CLUH: variants seen among roughly 807,000 people sequenced by gnomAD.
The protein encoded by CLUH is clustered mitochondria protein homolog.
In CLUH, 77 loss-of-function variants were observed where a neutral mutation model predicts 139.3. The ratio of observed to expected loss-of-function variants is 0.55; its 90% CI spans 0.46 to 0.67. The LOEUF (loss-of-function observed/expected upper bound fraction) is 0.67, where lower values mean the gene tolerates loss of function less well. Among genes scored for constraint, CLUH ranks in the 30% least tolerant of loss-of-function variants. The pLI is 0.00. For synonymous variants in CLUH, 999 were observed against 801.6 expected, an observed-to-expected ratio of 1.25 and a Z score of -4.16; for missense variants, 1,876 against 1,875.8, an observed-to-expected ratio of 1.00 and a Z score of 0.00.
intron 10 of CLUH, among the ~76,000 whole-genome samples, chr17:2,697,386 T>G (rs1597610402): frequency 4.4e-5 from 6 of 136,706 alleles, no homozygotes; most frequent in East Asian, 2.1e-4. Context: ...GCGACAAGAG[T>G]GAAACTCCGT....
intron 21 of CLUH, 24 bp downstream of exon 21, chr17:2,692,547 C>G: frequency 6.2e-7 from 1 of 1,601,376 alleles, no homozygotes; most frequent in South Asian, 1.1e-5. Flanking sequence ...TGGGTCCCTG[C>G]CGCCCCCCCG....
In CLUH at chr17:2,704,473, A is replaced by C; in HGVS notation, c.192T>G (p.Leu64=). Residue 64 remains leucine (L), a synonymous_variant, in exon 2 of 26, where the codon CTT becomes CTG. Coordinates refer to ENST00000651024, the MANE Select transcript of CLUH (RefSeq NM_001366661.1). The surrounding 1 kb of genome is among the most constrained non-coding windows in gnomAD (Gnocchi z 5.7). ...AAAEPPRENG[L]DEAGPGDETT... ...TCTCATCTCCCGGGCCGGCCTCGTC[A>C]AGCCCATTTTCCCTGGGTGGCTCGG... 1 of 1,598,664 alleles carries C rather than the reference A, an allele frequency of 6.3e-7. No homozygotes were observed. Among genetic ancestry groups the C allele is most frequent in the Non-Finnish European group, 8.5e-7 (1 of 1,173,108 alleles).
rs376055316 is a variant in CLUH at position 2,696,928 on chromosome 17, A to G, written c.1976T>C (p.Met659Thr). 2.5e-6 allele frequency: 4 copies of G among 1,593,018 alleles called. No homozygotes were observed. The highest frequency in any genetic ancestry group is 3.4e-6 in the Non-Finnish European group (4 of 1,170,130). Reference sequence around the variant, plus strand: ...CATCAGCTGCAAGGCGGCCAGCTTCATAAAGAGGAGGTACCTGGAGCAGAG... The same window carrying G: ...CATCAGCTGCAAGGCGGCCAGCTTCGTAAAGAGGAGGTACCTGGAGCAGAG... ...AFVEHRYLLF[M>T]KLAALQLMQQ... The change falls in exon 11 of 26, where the codon ATG becomes ACG. Residue 659 changes from methionine to threonine, a missense_variant. Met to Thr is a moderately conservative substitution (Grantham distance 81, BLOSUM62 -1). Coordinates refer to ENST00000651024, the MANE Select transcript of CLUH (RefSeq NM_001366661.1).
Position 2,704,584 on chromosome 17 carries a change from G to A in CLUH, c.101-20C>T, listed in dbSNP as rs1164900455. 1 of 1,535,046 alleles carries A rather than the reference G, an allele frequency of 6.5e-7. No individual in the cohort carries two copies. Among genetic ancestry groups the A allele is most frequent in the East Asian group, 2.4e-5 (1 of 40,838 alleles). On this transcript the variant is annotated intron_variant, in intron 1 of 25. Coordinates refer to ENST00000651024, the MANE Select transcript of CLUH (RefSeq NM_001366661.1). This position sits in a 1 kb window ranked among gnomAD's most constrained non-coding sequence, Gnocchi z 5.7. ...GCAGCTCTGCGGGTGACAAGAACGGGTCAGAATCAGGCAGCCTCGCTGGTC... is the reference window on the plus strand; with the variant it reads ...GCAGCTCTGCGGGTGACAAGAACGGATCAGAATCAGGCAGCCTCGCTGGTC...
At chr17:2,709,528 C>A (rs2070448725) in intron 1 of CLUH, among the ~76,000 whole-genome samples, 1 of 152,174 alleles carries the variant, frequency 6.6e-6, no homozygotes, top group African/African-American at 2.4e-5. Context: ...CTCCTCCTCC[C>A]CCTCTGGGCC....
chr17:2,692,147 T>A, intron 22 of CLUH, 50 bp from the exon 23 acceptor site: 1 of 1,529,592 alleles, frequency 6.5e-7, no homozygotes, highest in Non-Finnish European at 8.9e-7. Context: ...GTGGGCTGGG[T>A]GTGGGGGCCT....
At position 2,694,562 on chromosome 17, in the gene CLUH, T is replaced by A; in HGVS notation, c.2855A>T (p.Glu952Val). 6.4e-7 allele frequency: 1 copy of A among 1,574,300 alleles called. No individual in the cohort carries two copies. Among genetic ancestry groups the A allele is most frequent in the Non-Finnish European group, 8.6e-7 (1 of 1,160,200 alleles). Residue 952 changes from glutamate to valine, a missense_variant and splice_region_variant, in exon 17 of 26, where the codon GAG becomes GTG. Transcript: ENST00000651024. ...GGTCTCCACAGCCTGGTCCACGGTC[T>A]CACTGAGGAGGGAGCAGGGGGCCTG... is the stretch of plus-strand genomic sequence containing the variant. ...KNYFDFDLEC[E>V]TVDQAVETYG...
In CLUH at chr17:2,695,067, C is replaced by T. The variant is rs760959588; in HGVS notation, c.2642G>A (p.Ser881Asn). ...VELSGLSAAI[S>N]HFLNCFLSSY... ...GCTCAGGAAGCAGTTCAGGAAGTGGCTGATGGCGGCTGAGAGGCCGGAGAG... is the reference window on the plus strand; with the variant it reads ...GCTCAGGAAGCAGTTCAGGAAGTGGTTGATGGCGGCTGAGAGGCCGGAGAG... Residue 881 changes from serine to asparagine, a missense_variant, in exon 16 of 26, where the codon AGC becomes AAC. Around this residue, in one of 3 missense-constraint regions of CLUH, gnomAD observed 1,454 missense variants for 1,384.4 expected, o/e 1.05. Coordinates refer to ENST00000651024, the MANE Select transcript of CLUH (RefSeq NM_001366661.1). The T allele has an allele frequency of 6.2e-7, 1 of 1,612,564 alleles. No individual in the cohort carries two copies. Among genetic ancestry groups the T allele is most frequent in the South Asian group, 1.1e-5 (1 of 90,984 alleles).
rs1396062272 is a variant in CLUH, at chr17:2,691,691, C to CGGGGAAACCAGCGGTGA, written c.3790-26_3790-10dup. 1.9e-6 allele frequency: 3 copies of CGGGGAAACCAGCGGTGA among 1,611,330 alleles called. No homozygotes were observed. In the East Asian group the frequency reaches 6.7e-5, roughly 36 times the overall value. On this transcript the variant is annotated splice_polypyrimidine_tract_variant and intron_variant, in intron 24 of 25. Coordinates refer to ENST00000651024, the MANE Select transcript of CLUH (RefSeq NM_001366661.1). ...ATGCTGGGGGCCGTGAACTGCGGGG[C>CGGGGAAACCAGCGGTGA]GGGGAAACCAGCGGTGAGCGGGGCT...
At position 2,700,395 on chromosome 17, in the gene CLUH, C is replaced by T. The variant is rs748445663; in HGVS notation, c.1253G>A (p.Arg418Lys). ...GGCTGCAGGCACCTTGAATATGGCC[C>T]TTTCTCGGAGCAGCCGCTCAGGCAG... ...KNLPERLLRE[R>K]AIFKVHSDFT... Residue 418 changes from arginine to lysine, a missense_variant, in exon 9 of 26, where the codon AGG becomes AAG. Transcript: ENST00000651024. 8 of 1,613,032 alleles carry T rather than the reference C, an allele frequency of 5.0e-6. No individual in the cohort carries two copies. Among genetic ancestry groups the T allele is most frequent in the South Asian group, 1.1e-5 (1 of 90,868 alleles).
In CLUH at chr17:2,690,422, CCTT is replaced by C. The variant is rs942946966; in HGVS notation, c.*169_*171del. ...TATTCATTGAACCAGCGCAAAAACA[CCTT>C]CTGCGGGGCAGGCAGGCCAGGCTCC... On this transcript the variant is annotated 3_prime_UTR_variant, in exon 26 of 26. Coordinates refer to ENST00000651024, the MANE Select transcript of CLUH (RefSeq NM_001366661.1). 2 of 498,500 alleles carry C rather than the reference CCTT, an allele frequency of 4.0e-6. No individual in the cohort carries two copies. The highest frequency in any genetic ancestry group is 6.7e-6 in the Non-Finnish European group (2 of 299,360). 30.9% of individuals were successfully genotyped at this position (498,500 alleles called of 1,614,324 possible).
In CLUH at chr17:2,701,682, G is replaced by A. The variant is rs746334394; in HGVS notation, c.675C>T (p.Pro225=). Residue 225 remains proline, a synonymous_variant, in exon 5 of 26, where the codon CCC becomes CCT. Transcript: ENST00000651024. ...LEMDPIDCTP[P]EYILPGSRER... is the part of the protein sequence containing the mutation. ...CCCGGCTCCCTGGCAGGATGTACTC[G>A]GGTGGTGTGCAGTCGATGGGGTCCA... 53 of 1,597,524 alleles carry A rather than the reference G, an allele frequency of 3.3e-5. 1 individual carries two copies. The highest frequency in any genetic ancestry group is 1.0e-4 in the Admixed American group (6 of 58,240).
At chr17:2,700,886 G>A (rs1410764682) in intron 7 of CLUH, 61 bp from the exon 8 acceptor site, 3 of 1,498,244 alleles carry the variant, frequency 2.0e-6, no homozygotes, top group Admixed American at 2.3e-5. Flanking sequence ...CCTTCCACGG[G>A]CCCCTTTTCT....
chr17:2,710,070 C>T (rs1245902486), intron 1 of CLUH, among the ~76,000 whole-genome samples: 4 of 152,000 alleles, frequency 2.6e-5, no homozygotes, highest in African/African-American at 9.7e-5. Context: ...CAAACCAACA[C>T]GCCTGTCCCA....
At chr17:2,691,931 G>GCC in intron 23 of CLUH, 36 bp from the exon 24 acceptor site, 1 of 1,124,164 alleles carries the variant, frequency 8.9e-7, no homozygotes, top group Non-Finnish European at 1.1e-6. Flanking sequence ...GCCCCCCCGT[G>GCC]CCCCCGCGGC....
chr17:2,708,051 A>G (rs2070398672), intron 1 of CLUH: 1 of 973,536 alleles, frequency 1.0e-6, no homozygotes, highest in Non-Finnish European at 1.2e-6. Context: ...AGCTGGCAGC[A>G]AGAGGCCAGT....
At position 2,692,570 on chromosome 17, in the gene CLUH, C is replaced by T. The variant is rs1186955288; in HGVS notation, c.3438+1G>A. 1 of 1,610,802 alleles carries T rather than the reference C, an allele frequency of 6.2e-7. No homozygotes were observed. ...TGCCGCCCCCCCGCCCCAGCACTCA[C>T]GTCCAGCAGCGCCATCTCGGGGTGG... is the stretch of plus-strand genomic sequence containing the variant. On this transcript the variant is annotated splice_donor_variant, in intron 21 of 25. Transcript: ENST00000651024. LOFTEE classifies it high-confidence loss of function.
rs1370136988 is a variant in CLUH, at chr17:2,696,780, G to A, written c.2124C>T (p.Ser708=). 1.2e-5 allele frequency: 20 copies of A among 1,612,958 alleles called. No homozygotes were observed. The highest frequency in any genetic ancestry group is 6.6e-5 in the South Asian group (6 of 91,022). ...CCTTCACCTTGGCCAGGCCGCTGGC[G>A]CTGCTACCCTCCTCCTCACTTCCCG... is the stretch of plus-strand genomic sequence containing the variant. ...QEAGSEEEGS[S]ASGLAKVKEL... Residue 708 remains serine (S), a synonymous_variant, in exon 11 of 26, where the codon AGC becomes AGT. Coordinates refer to ENST00000651024, the MANE Select transcript of CLUH (RefSeq NM_001366661.1).
chr17:2,690,586 C>T lies in CLUH; in HGVS notation c.*8G>A. 1 of 1,449,682 alleles carries T rather than the reference C, an allele frequency of 6.9e-7. No individual in the cohort carries two copies. Among genetic ancestry groups the T allele is most frequent in the Non-Finnish European group, 9.1e-7 (1 of 1,099,088 alleles). 89.8% of individuals were successfully genotyped at this position (1,449,682 alleles called of 1,614,324 possible). On this transcript the variant is annotated 3_prime_UTR_variant, in exon 26 of 26. Transcript: ENST00000651024. Reference sequence around the variant, plus strand: ...GGCCGCTGGCTGGCTGTCCGTCTGGCTCCCTCTCTATCCCTGCACGCTCGG... The same window carrying T: ...GGCCGCTGGCTGGCTGTCCGTCTGGTTCCCTCTCTATCCCTGCACGCTCGG...
Sources: allele counts gnomAD v4.1 joint callset (sites outside exome capture counted in the v4.1 genomes callset), GRCh38; gene constraint gnomAD v4.1.1; regional missense constraint gnomAD v4.1.1; non-coding constraint Gnocchi (gnomAD v3.1); transcripts MANE v1.5; gene names NCBI Gene and HGNC (gene_info 2026-07-23, HGNC 2026-07-21).